ADGRA3: variants seen among roughly 807,000 people sequenced by gnomAD.
ADGRA3 encodes G-protein coupled receptor 125.
ADGRA3 carries 56 observed loss-of-function variants against 119.8 expected under a neutral mutation model. That is an observed-to-expected ratio of 0.47 (90% CI 0.38 to 0.58). The LOEUF is 0.58. ADGRA3 is among the 20% of genes least tolerant of loss of function. The pLI, the probability that ADGRA3 is intolerant of heterozygous loss-of-function variation, is 0.00. For missense variants in ADGRA3, 1,516 were observed against 1,649.0 expected (o/e 0.92, Z 1.40); for synonymous variants, 607 against 623.8 (o/e 0.97, Z 0.40).
At position 22,413,248 on chromosome 4, in the gene ADGRA3, T is replaced by C. The variant is rs779952033; in HGVS notation, c.2166A>G (p.Ile722Met). ...TAGTGATATTTTCATCTGAATAGAGTATATGGCACCCATCTGACTTCCAGC... is the reference window on the plus strand; with the variant it reads ...TAGTGATATTTTCATCTGAATAGAGCATATGGCACCCATCTGACTTCCAGC... ...QGGWKSDGCH[I>M]LYSDENITTI... Residue 722 changes from isoleucine (I) to methionine (M), a missense_variant, in exon 14 of 19, where the codon ATA becomes ATG. This residue lies in a region of ADGRA3 where 1,088 missense variants were observed against 1,107.1 expected (regional missense o/e 0.98). Coordinates refer to ENST00000334304, the MANE Select transcript of ADGRA3 (RefSeq NM_145290.4). 6.2e-6 allele frequency: 10 copies of C among 1,614,006 alleles called. No individual in the cohort carries two copies. The highest frequency in any genetic ancestry group is 8.5e-6 in the Non-Finnish European group (10 of 1,179,970).
intron 16 of ADGRA3, among the ~76,000 whole-genome samples, chr4:22,399,109 C>A (rs761457759): frequency 6.6e-6 from 1 of 152,166 alleles, no homozygotes; most frequent in African/African-American, 2.4e-5. Flanking sequence ...TCTCCATGAC[C>A]CCCATGCTGT....
chr4:22,413,878 A>G, intron 12 of ADGRA3, 64 bp from the exon 13 acceptor site: 1 of 1,072,946 alleles, frequency 9.3e-7, no homozygotes, highest in South Asian at 1.7e-5. Context: ...AGAAAAAAAT[A>G]TGTCAGATAG....
At chr4:22,400,730 A>C (rs1335422090) in intron 16 of ADGRA3, among the ~76,000 whole-genome samples, 2 of 152,180 alleles carry the variant, frequency 1.3e-5, no homozygotes, top group Non-Finnish European at 2.9e-5. Context: ...ACAAAAGAAA[A>C]AAAAAAGGTT....
intron 10 of ADGRA3, among the ~76,000 whole-genome samples, chr4:22,431,055 T>C (rs1286469060): frequency 1.3e-5 from 2 of 152,160 alleles, no homozygotes; most frequent in Admixed American, 1.3e-4. Flanking sequence ...AGAGGATGTA[T>C]GGAAATTCCT....
chr4:22,515,415 C>G (rs1018569649), intron 1 of ADGRA3, 113 bp downstream of exon 1: 1 of 1,323,050 alleles, frequency 7.6e-7, no homozygotes, highest in South Asian at 1.6e-5. Context: ...CGCCCCCTGC[C>G]TACAGCTCCA....
chr4:22,454,935 T>C lies in ADGRA3; in HGVS notation c.404A>G (p.Asp135Gly). 2 of 1,612,568 alleles carry C rather than the reference T, an allele frequency of 1.2e-6. No individual in the cohort carries two copies. The highest frequency in any genetic ancestry group is 1.7e-6 in the Non-Finnish European group (2 of 1,178,616). Reference sequence around the variant, plus strand: ...ACATCCTATTCGATTGTTTGTCAGATCCCTAAGGAGAAGGGTGGAAAAGTG... The same window carrying C: ...ACATCCTATTCGATTGTTTGTCAGACCCCTAAGGAGAAGGGTGGAAAAGTG... ...FWGLSSLKRL[D>G]LTNNRIGCLN... Residue 135 changes from aspartate (D) to glycine (G), a missense_variant and splice_region_variant, in exon 4 of 19, where the codon GAT becomes GGT. Around this residue, in one of 2 missense-constraint regions of ADGRA3, gnomAD observed 428 missense variants for 541.9 expected, o/e 0.79. Transcript: ENST00000334304.
chr4:22,441,232 G>A (rs913301978), intron 7 of ADGRA3, among the ~76,000 whole-genome samples: 1 of 152,096 alleles, frequency 6.6e-6, no homozygotes, highest in African/African-American at 2.4e-5. Context: ...TGTATAAAAT[G>A]CACCAAGATC....
At chr4:22,451,806 T>C (rs1318223974) in intron 4 of ADGRA3, among the ~76,000 whole-genome samples, 1 of 152,186 alleles carries the variant, frequency 6.6e-6, no homozygotes, top group Non-Finnish European at 1.5e-5. Context: ...TCTTTTTGTA[T>C]ACCTTCTCTT....
intron 2 of ADGRA3, among the ~76,000 whole-genome samples, chr4:22,466,536 G>A (rs1717665503): frequency 1.3e-5 from 2 of 152,112 alleles, no homozygotes; most frequent in Admixed American, 6.5e-5. Flanking sequence ...AGAACAGCCT[G>A]GCCAACATGG....
rs1299573183 is a variant in ADGRA3, at chr4:22,388,641, C to A, written c.3030G>T (p.Trp1010Cys). The A allele has an allele frequency of 1.2e-6, 2 of 1,614,062 alleles. No homozygotes were observed. Among genetic ancestry groups the A allele is most frequent in the East Asian group, 2.2e-5 (1 of 44,854 alleles). The change falls in exon 19 of 19, where the codon TGG (tryptophan) becomes TGT (cysteine). Residue 1010 changes from tryptophan (W) to cysteine (C), a missense_variant. Trp to Cys is a radical substitution (Grantham distance 215). Around this residue, in one of 2 missense-constraint regions of ADGRA3, gnomAD observed 1,088 missense variants for 1,107.1 expected, o/e 0.98. Coordinates refer to ENST00000334304, the MANE Select transcript of ADGRA3 (RefSeq NM_145290.4). ...SLTLLLYVAL[W>C]MFGALAVSLY... Reference sequence around the variant, plus strand: ...AAGAAACAGCCAAAGCCCCAAACATCCACAGTGCAACATATAAGAGCAAAG... The same window carrying A: ...AAGAAACAGCCAAAGCCCCAAACATACACAGTGCAACATATAAGAGCAAAG...
chr4:22,481,398 C>T (rs1718257160), intron 1 of ADGRA3, among the ~76,000 whole-genome samples: 1 of 152,110 alleles, frequency 6.6e-6, no homozygotes, highest in Non-Finnish European at 1.5e-5. Context: ...AGCAAAAAAA[C>T]CCAGCCAGCC....
chr4:22,466,352 C>T (rs1312774839), intron 2 of ADGRA3, among the ~76,000 whole-genome samples: 1 of 152,154 alleles, frequency 6.6e-6, no homozygotes, highest in Non-Finnish European at 1.5e-5. Flanking sequence ...TCTCAATCTC[C>T]AACTCACAAC....
At chr4:22,482,209 T>G (rs1560339375) in intron 1 of ADGRA3, among the ~76,000 whole-genome samples, 2 of 152,332 alleles carry the variant, frequency 1.3e-5, no homozygotes, top group Non-Finnish European at 2.9e-5. Flanking sequence ...CATTTGTGTA[T>G]CTACCATTTC....
intron 10 of ADGRA3, among the ~76,000 whole-genome samples, chr4:22,428,207 C>T (rs1297445143): frequency 6.6e-6 from 1 of 151,994 alleles, no homozygotes; most frequent in Non-Finnish European, 1.5e-5. Context: ...GAGTTAAATA[C>T]TCCTAGGTTG....
At chr4:22,406,150 C>T (rs920685703) in intron 14 of ADGRA3, among the ~76,000 whole-genome samples, 13 of 152,006 alleles carry the variant, frequency 8.6e-5, no homozygotes, top group Non-Finnish European at 1.8e-4. Context: ...AGATTTCATT[C>T]TTTTTTTATG....
intron 10 of ADGRA3, among the ~76,000 whole-genome samples, chr4:22,432,809 T>C (rs1260470024): frequency 1.3e-5 from 2 of 152,224 alleles, no homozygotes; most frequent in African/African-American, 4.8e-5. Context: ...AGTGCCAGCT[T>C]GTGTTGGCCA....
At chr4:22,470,537 CA>C (rs1332668182) in intron 2 of ADGRA3, among the ~76,000 whole-genome samples, 1 of 152,120 alleles carries the variant, frequency 6.6e-6, no homozygotes, top group Non-Finnish European at 1.5e-5. Flanking sequence ...ATTTCAAGGC[CA>C]CAGCTTTGAA....
At chr4:22,424,144 T>C in intron 11 of ADGRA3, 47 bp downstream of exon 11, 1 of 1,543,138 alleles carries the variant, frequency 6.5e-7, no homozygotes, top group South Asian at 1.2e-5. Flanking sequence ...GAGAGCTGTG[T>C]GAAATGCACT....
In ADGRA3 at chr4:22,435,471, A is replaced by G. The variant is rs774718504; in HGVS notation, c.1288-5T>C. On this transcript the variant is annotated splice_region_variant and splice_polypyrimidine_tract_variant and intron_variant, in intron 9 of 18. Coordinates refer to ENST00000334304, the MANE Select transcript of ADGRA3 (RefSeq NM_145290.4). ...ATTGGTAAGATTGAGGGGCATCTAC[A>G]TTTCAAAGGCAAAAATGATCAACAA... 2.5e-6 allele frequency: 4 copies of G among 1,575,922 alleles called. No individual in the cohort carries two copies. Among genetic ancestry groups the G allele is most frequent in the Non-Finnish European group, 3.5e-6 (4 of 1,151,412 alleles).
Sources: allele counts gnomAD v4.1 joint callset (sites outside exome capture counted in the v4.1 genomes callset), GRCh38; gene constraint gnomAD v4.1.1; regional missense constraint gnomAD v4.1.1; transcripts MANE v1.5; gene names NCBI Gene and HGNC (gene_info 2026-07-23, HGNC 2026-07-21).